Variants in SEMA6D observed in about 807,000 individuals in gnomAD.
SEMA6D encodes the protein semaphorin-6D.
In SEMA6D, 35 loss-of-function variants were observed where a neutral mutation model predicts 106.6. The observed-to-expected ratio is 0.33, with a 90% CI of 0.25 to 0.44. SEMA6D has a LOEUF of 0.44. SEMA6D is among the 20% of genes least tolerant of loss of function. The pLI, the probability that SEMA6D is intolerant of heterozygous loss-of-function variation, is 1.00. For missense variants in SEMA6D, 1,185 were observed against 1,345.9 expected (o/e 0.88, Z 1.87); for synonymous variants, 499 against 487.7 (o/e 1.02, Z -0.31).
At chr15:47,580,001 CT>C (rs1225507546) in intron 3 of SEMA6D, among the ~76,000 whole-genome samples, 2 of 152,138 alleles carry the variant, frequency 1.3e-5, no homozygotes, top group Non-Finnish European at 1.5e-5. Context: ...CTGATTTGAC[CT>C]TTTACGTAGT....
chr15:47,527,596 T>A (rs536862754), intron 3 of SEMA6D: 6 of 152,246 alleles, frequency 3.9e-5, no homozygotes, highest in Non-Finnish European at 5.9e-5. Context: ...AAGATAATTT[T>A]GTATGCCAAT....
intron 3 of SEMA6D, among the ~76,000 whole-genome samples, chr15:47,491,098 A>G (rs1044303278): frequency 2.0e-5 from 3 of 152,152 alleles, no homozygotes; most frequent in Non-Finnish European, 4.4e-5. Flanking sequence ...ACACATATAC[A>G]CGTACGTACA....
At chr15:47,426,989 A>G (rs1046769540) in intron 2 of SEMA6D, among the ~76,000 whole-genome samples, 3 of 152,180 alleles carry the variant, frequency 2.0e-5, no homozygotes, top group Non-Finnish European at 4.4e-5. Context: ...GGGTTAAACT[A>G]TTGTAAAAAG....
chr15:47,595,823 T>G (rs1292238303), intron 3 of SEMA6D, among the ~76,000 whole-genome samples: 2 of 152,138 alleles, frequency 1.3e-5, no homozygotes, highest in African/African-American at 4.8e-5. Flanking sequence ...TGTCTATGGT[T>G]TGCCCATTTC....
At chr15:47,749,756 A>C (rs1483035240) in intron 1 of SEMA6D, among the ~76,000 whole-genome samples, 3 of 152,174 alleles carry the variant, frequency 2.0e-5, no homozygotes, top group Non-Finnish European at 2.9e-5. Context: ...GTGATCTGGG[A>C]TTAGTGAATT....
At chr15:47,580,205 A>ATCT (rs1442334234) in intron 3 of SEMA6D, among the ~76,000 whole-genome samples, 3 of 152,098 alleles carry the variant, frequency 2.0e-5, no homozygotes, top group Non-Finnish European at 2.9e-5. Flanking sequence ...TCCCCAGACA[A>ATCT]TCTTGCCTGC....
chr15:47,439,984 A>T (rs917674917), intron 2 of SEMA6D, among the ~76,000 whole-genome samples: 2 of 152,152 alleles, frequency 1.3e-5, no homozygotes, highest in African/African-American at 2.4e-5. Context: ...AGCCTCCAAC[A>T]TTTATGGAGC....
intron 3 of SEMA6D, among the ~76,000 whole-genome samples, chr15:47,511,790 A>G (rs1372691379): frequency 6.6e-6 from 1 of 152,130 alleles, no homozygotes; most frequent in Admixed American, 6.5e-5. Context: ...TCTCTGGCAG[A>G]TGGGAGGAGG....
intron 1 of SEMA6D, among the ~76,000 whole-genome samples, chr15:47,264,411 T>C (rs1034633002): frequency 1.3e-5 from 2 of 152,008 alleles, no homozygotes; most frequent in African/African-American, 4.8e-5. Flanking sequence ...AGCATATACC[T>C]TGGTAATTGA....
chr15:47,602,407 C>A (rs1263953105), intron 4 of SEMA6D, among the ~76,000 whole-genome samples: 4 of 152,032 alleles, frequency 2.6e-5, no homozygotes, highest in Non-Finnish European at 4.4e-5. Context: ...CTGACTAAAT[C>A]CAGGCTTTGG....
At chr15:47,471,944 C>A (rs1401601489) in intron 3 of SEMA6D, among the ~76,000 whole-genome samples, 1 of 150,068 alleles carries the variant, frequency 6.7e-6, no homozygotes, top group Non-Finnish European at 1.5e-5. Context: ...CACACACACA[C>A]ACACACACAC....
In SEMA6D at chr15:47,699,139, C is replaced by T. The variant is rs2078758901; in HGVS notation, c.-54-60606C>T. On this transcript the variant is annotated intron_variant, in intron 4 of 19. Transcript: ENST00000558014. Reference sequence around the variant, plus strand: ...GTCTAGTAAGGACAAGAAGGGTGAGCCTATGCCAGCTTTTTAAAGGCCTTT... The same window carrying T: ...GTCTAGTAAGGACAAGAAGGGTGAGTCTATGCCAGCTTTTTAAAGGCCTTT... Among the ~76,000 whole-genome samples the T allele has an allele frequency of 2.0e-5, 3 of 152,142 alleles. No homozygotes were observed. The South Asian group carries it at 6.2e-4, about 32-fold the overall frequency.
At chr15:47,467,430 G>A (rs185091007) in intron 2 of SEMA6D, among the ~76,000 whole-genome samples, 6 of 152,274 alleles carry the variant, frequency 3.9e-5, no homozygotes, top group African/African-American at 1.4e-4. Flanking sequence ...AAGAGGCAAT[G>A]TAGAGAAGGT....
intron 1 of SEMA6D, among the ~76,000 whole-genome samples, chr15:47,295,722 A>G (rs984901009): frequency 6.6e-6 from 1 of 152,258 alleles, no homozygotes; most frequent in African/African-American, 2.4e-5. Context: ...AATGAGATAC[A>G]AACATAATCA....
chr15:47,648,494 A>G (rs1389842835), intron 4 of SEMA6D, among the ~76,000 whole-genome samples: 2 of 152,122 alleles, frequency 1.3e-5, no homozygotes, highest in Non-Finnish European at 2.9e-5. Flanking sequence ...GAATGAATGA[A>G]TGAATGAATG....
intron 3 of SEMA6D, among the ~76,000 whole-genome samples, chr15:47,589,429 T>C (rs2076400035): frequency 6.6e-6 from 1 of 152,202 alleles, no homozygotes; most frequent in Admixed American, 6.5e-5. Flanking sequence ...TGACTCTGAG[T>C]GTGAGTTCTC....
chr15:47,221,727 G>T (rs890432286), intron 1 of SEMA6D, among the ~76,000 whole-genome samples: 2 of 152,154 alleles, frequency 1.3e-5, no homozygotes, highest in African/African-American at 4.8e-5. Context: ...CAGATTTGTA[G>T]ACATCTTGAA....
intron 3 of SEMA6D, among the ~76,000 whole-genome samples, chr15:47,515,333 A>G (rs949413997): frequency 1.3e-5 from 2 of 151,970 alleles, no homozygotes; most frequent in Admixed American, 6.6e-5. Context: ...TTTATCACCT[A>G]CTGATGTATT....
In SEMA6D at chr15:47,690,073, A is replaced by T. The variant is rs182361250; in HGVS notation, c.-54-69672A>T. Among the ~76,000 whole-genome samples the T allele has an allele frequency of 7.5e-4, 114 of 152,322 alleles. 1 individual carries two copies. In the East Asian group the frequency reaches 0.021, roughly 27 times the overall value. On this transcript the variant is annotated intron_variant, in intron 4 of 19. Coordinates refer to the SEMA6D transcript ENST00000558014. ...GCAGGGGAGTGTTTCTGTCACAGGG[A>T]CAGAGGCTCTGGCTGCTCCAGCAAT...
Sources: allele counts gnomAD v4.1 joint callset (sites outside exome capture counted in the v4.1 genomes callset), GRCh38; gene constraint gnomAD v4.1.1; transcripts MANE v1.5; gene names NCBI Gene and HGNC (gene_info 2026-07-23, HGNC 2026-07-21).